Variants in PLB1 observed in about 807,000 individuals in gnomAD.
The protein encoded by PLB1 is phospholipase B1.
In PLB1, 242 loss-of-function variants were observed where a neutral mutation model predicts 227.4. That is an observed-to-expected ratio of 1.06 (90% CI 0.96 to 1.18). The LOEUF is 1.18. Ranked by LOEUF, PLB1 falls within the 50% of genes most tolerant of loss-of-function variation. PLB1 has a pLI of 0.00. For synonymous variants in PLB1, 757 were observed against 682.2 expected, an observed-to-expected ratio of 1.11 and a Z score of -1.71; for missense variants, 1,858 against 1,816.3, an observed-to-expected ratio of 1.02 and a Z score of -0.42.
chr2:28,543,199 G>A lies in PLB1; in HGVS notation c.880-13G>A. The A allele has an allele frequency of 6.2e-7, 1 of 1,605,356 alleles. No individual in the cohort carries two copies. ...GAGACAAAAGGTCCCGCTGTCAACT[G>A]GTTCTCTTTTAGGAGGACCCCCGAC... On this transcript the variant is annotated splice_polypyrimidine_tract_variant and intron_variant, in intron 13 of 57. Coordinates refer to ENST00000327757, the MANE Select transcript of PLB1 (RefSeq NM_153021.5).
At chr2:28,521,851 C>T (rs1669571212) in intron 4 of PLB1, among the ~76,000 whole-genome samples, 1 of 152,084 alleles carries the variant, frequency 6.6e-6, no homozygotes, top group African/African-American at 2.4e-5. Context: ...CCTCCCACGC[C>T]TGAACCAGGA....
At chr2:28,549,686 A>G (rs1257585135) in intron 15 of PLB1, among the ~76,000 whole-genome samples, 3 of 152,182 alleles carry the variant, frequency 2.0e-5, no homozygotes, top group African/African-American at 4.8e-5. Context: ...TAAGTATACA[A>G]TTCACCTTCT....
chr2:28,532,204 A>C lies in PLB1; in HGVS notation c.555+10A>C. The C allele has an allele frequency of 1.4e-5, 22 of 1,601,202 alleles. No homozygotes were observed. The highest frequency in any genetic ancestry group is 1.8e-5 in the Non-Finnish European group (21 of 1,170,400). ...CCCCTCTGCTCAACAGGTAAATGGCAGCCTTGGGGACCAAGGGATTACAGA... is the reference window on the plus strand; with the variant it reads ...CCCCTCTGCTCAACAGGTAAATGGCCGCCTTGGGGACCAAGGGATTACAGA... On this transcript the variant is annotated intron_variant, in intron 9 of 57. Coordinates refer to ENST00000327757, the MANE Select transcript of PLB1 (RefSeq NM_153021.5).
chr2:28,566,641 C>T (rs1406829418), intron 19 of PLB1, 155 bp from the exon 20 acceptor site: 2 of 763,940 alleles, frequency 2.6e-6, no homozygotes, highest in East Asian at 2.7e-5. Flanking sequence ...TTCTGGTTTG[C>T]TTTTTCCGTT....
intron 26 of PLB1, among the ~76,000 whole-genome samples, chr2:28,588,513 G>A (rs1681304067): frequency 6.6e-6 from 1 of 152,172 alleles, no homozygotes; most frequent in Non-Finnish European, 1.5e-5. Flanking sequence ...GTCTTCTGAA[G>A]TGACCCCATT....
At chr2:28,641,219 G>A (rs553766174) in intron 57 of PLB1, among the ~76,000 whole-genome samples, 1 of 152,172 alleles carries the variant, frequency 6.6e-6, no homozygotes, top group Non-Finnish European at 1.5e-5. Context: ...AGCTCCAACC[G>A]AAGGGAGGAC....
rs1357145274 is a variant in PLB1 at position 28,529,316 on chromosome 2, G to A, written c.326-1G>A. The stretch of plus-strand genomic sequence containing the variant: ...GGGCCTCAAACCAGTTCTCTCTTTA[G>A]TCCTTTCAGACATCATCAGATATTT... On this transcript the variant is annotated splice_acceptor_variant, in intron 6 of 57. Transcript: ENST00000327757. LOFTEE classifies it high-confidence loss of function. 6.2e-7 allele frequency: 1 copy of A among 1,604,634 alleles called. No individual in the cohort carries two copies. The highest frequency in any genetic ancestry group is 2.2e-5 in the East Asian group (1 of 44,804).
intron 14 of PLB1, among the ~76,000 whole-genome samples, chr2:28,547,220 A>G (rs141864024): frequency 6.9e-4 from 25 of 36,016 alleles, no homozygotes; most frequent in East Asian, 1.5e-3. Context: ...AAAAAAAGAA[A>G]AAAAAAAAAT....
At chr2:28,514,593 G>A (rs1668634659) in intron 1 of PLB1, among the ~76,000 whole-genome samples, 1 of 152,140 alleles carries the variant, frequency 6.6e-6, no homozygotes, top group African/African-American at 2.4e-5. Context: ...TGTTGTCCAT[G>A]GCTGCTTTCA....
intron 21 of PLB1, 80 bp from the exon 22 acceptor site, chr2:28,578,027 C>T (rs877832): frequency 0.31 from 427,969 of 1,389,632 alleles, 67,257 homozygotes; most frequent in Admixed American, 0.36. Context: ...CTCCACCATA[C>T]ATTTGATTGC....
chr2:28,548,910 G>A lies in PLB1; in HGVS notation c.987G>A (p.Arg329=). The stretch of plus-strand genomic sequence containing the variant: ...AGCCATTGAGTGTAAAACACGGGAG[G>A]CCAATGAAGTGTCCCTCTCAGGTAG... ...KDEPLSVKHG[R]PMKCPSQESP... is the part of the protein sequence containing the mutation. The change falls in exon 15 of 58, where the codon AGG becomes AGA. Residue 329 remains arginine (R), a synonymous_variant. Transcript: ENST00000327757. 1.2e-6 allele frequency: 2 copies of A among 1,614,118 alleles called. No homozygotes were observed. Among genetic ancestry groups the A allele is most frequent in the Middle Eastern group, 1.6e-4 (1 of 6,062 alleles).
At chr2:28,566,174 C>T (rs938118597) in intron 19 of PLB1, among the ~76,000 whole-genome samples, 1 of 152,118 alleles carries the variant, frequency 6.6e-6, no homozygotes, top group African/African-American at 2.4e-5. Context: ...TCCTTCCTCA[C>T]GTTGCAACAC....
rs3071740 is a variant in PLB1 at position 28,601,469 on chromosome 2, C to CCACACACACACACACACACA, written c.2607+149_2607+168dup. ...ACCTATGTCTGCACATATACACATA[C>CCACACACACACACACACACA]CACACACACACACACACACACACAC... is the stretch of plus-strand genomic sequence containing the variant. On this transcript the variant is annotated intron_variant, in intron 37 of 57. Transcript: ENST00000327757. 1.8e-5 allele frequency: 11 copies of CCACACACACACACACACACA among 600,184 alleles called. No individual in the cohort carries two copies. In the African/African-American group the frequency reaches 1.9e-4, roughly 10 times the overall value. The allele number at this position is 600,184 out of a possible 1,614,324, so 37.2% of individuals were successfully genotyped here. A position where few individuals can be genotyped will look rare whatever the true frequency, so the allele number is the denominator to read the frequency against.
In PLB1 at chr2:28,525,319, G is replaced by C. The variant is rs767047333; in HGVS notation, c.284+12G>C. The C allele has an allele frequency of 6.2e-7, 1 of 1,612,224 alleles. No homozygotes were observed. Among genetic ancestry groups the C allele is most frequent in the Non-Finnish European group, 8.5e-7 (1 of 1,178,818 alleles). On this transcript the variant is annotated intron_variant, in intron 5 of 57. Transcript: ENST00000327757. Reference sequence around the variant, plus strand: ...GAGAAGCAAGACTGGTAACTATCCTGAAAACACAGAAAACAGAAAGGAGCC... The same window carrying C: ...GAGAAGCAAGACTGGTAACTATCCTCAAAACACAGAAAACAGAAAGGAGCC...
intron 21 of PLB1, among the ~76,000 whole-genome samples, chr2:28,575,689 C>A (rs908083025): frequency 2.0e-4 from 30 of 152,058 alleles, no homozygotes; most frequent in African/African-American, 5.8e-4. Context: ...TCCTGCCTCA[C>A]CCTCCTGAGT....
chr2:28,553,466 A>G (rs1372426690), intron 17 of PLB1, among the ~76,000 whole-genome samples: 1 of 152,220 alleles, frequency 6.6e-6, no homozygotes, highest in Non-Finnish European at 1.5e-5. Context: ...CAGTATTTCT[A>G]AAATGTCTGT....
At chr2:28,556,838 T>C (rs552091850) in intron 17 of PLB1, among the ~76,000 whole-genome samples, 5 of 152,328 alleles carry the variant, frequency 3.3e-5, no homozygotes, top group Non-Finnish European at 5.9e-5. Flanking sequence ...GAACAGTTCA[T>C]TCATTTATTT....
Position 28,630,633 on chromosome 2 carries a change from A to C in PLB1, c.3866A>C (p.Gln1289Pro). ...LRHSQSSLEK[Q>P]ELKKVNWNLQ... ...CACTCGCAAAGCTCCCTGGAGAAGC[A>C]AGAACTGAAGAAAGTGAACTGGAAC... is the stretch of plus-strand genomic sequence containing the variant. Residue 1289 changes from glutamine (Q) to proline (P), a missense_variant, in exon 54 of 58, where the codon CAA (glutamine) becomes CCA (proline). Coordinates refer to ENST00000327757, the MANE Select transcript of PLB1 (RefSeq NM_153021.5). 4 of 1,613,464 alleles carry C rather than the reference A, an allele frequency of 2.5e-6. No homozygotes were observed. The highest frequency in any genetic ancestry group is 1.1e-5 in the South Asian group (1 of 90,832).
At position 28,620,315 on chromosome 2, in the gene PLB1, G is replaced by GA. The variant is rs1188385501; in HGVS notation, c.3367dup (p.Arg1123LysfsTer54). ...ACTCCAGTGACCTACCCACATCTTG[G>GA]AGGGGACTCTCTTGGAGGTGAGGAT... On this transcript the variant is annotated frameshift_variant, in exon 47 of 58. Transcript: ENST00000327757. LOFTEE classifies it high-confidence loss of function. The GA allele has an allele frequency of 1.9e-6, 3 of 1,605,284 alleles. No individual in the cohort carries two copies. The highest frequency in any genetic ancestry group is 2.6e-6 in the Non-Finnish European group (3 of 1,175,356).
Sources: gnomAD v4.1 joint callset for allele counts (sites outside exome capture counted in the v4.1 genomes callset) on GRCh38, gnomAD v4.1.1 for gene constraint, MANE v1.5 for transcripts, NCBI Gene and HGNC (gene_info 2026-07-23, HGNC 2026-07-21) for gene names.